The following EPHA4 variants were observed in gnomAD, a reference collection of about 807,000 sequenced individuals.
EPHA4 encodes the protein ephrin type-A receptor 4.
EPHA4 carries 19 observed loss-of-function variants against 108.3 expected under a neutral mutation model. The observed-to-expected ratio is 0.18, with a 90% CI of 0.12 to 0.26. EPHA4 has a LOEUF of 0.26. EPHA4 is among the 10% of genes least tolerant of loss of function. The pLI is 1.00. For missense variants in EPHA4, 917 were observed against 1,254.0 expected, an observed-to-expected ratio of 0.73 and a Z score of 4.06; for synonymous variants, 449 against 455.5, an observed-to-expected ratio of 0.99 and a Z score of 0.18.
intron 5 of EPHA4, among the ~76,000 whole-genome samples, chr2:221,460,144 C>T (rs1691094603): frequency 6.6e-6 from 1 of 152,138 alleles, no homozygotes; most frequent in Admixed American, 6.5e-5. Flanking sequence ...CACGTTAACT[C>T]ATAGAGTATT....
chr2:221,442,038 A>T (rs916287149), intron 11 of EPHA4, among the ~76,000 whole-genome samples: 1 of 152,200 alleles, frequency 6.6e-6, no homozygotes, highest in African/African-American at 2.4e-5. Flanking sequence ...GACACCTTGA[A>T]TCAAAGAAGA....
chr2:221,537,113 C>G (rs761172028), intron 3 of EPHA4, among the ~76,000 whole-genome samples: 1 of 152,170 alleles, frequency 6.6e-6, no homozygotes, highest in Non-Finnish European at 1.5e-5. Flanking sequence ...CTTTCAATAA[C>G]AACTGTGTGT....
At chr2:221,561,548 G>C (rs928769812) in intron 3 of EPHA4, among the ~76,000 whole-genome samples, 3 of 152,182 alleles carry the variant, frequency 2.0e-5, no homozygotes, top group African/African-American at 4.8e-5. Flanking sequence ...CTGGCCTCAT[G>C]TTAGGAACAG....
At chr2:221,486,108 C>T (rs532785928) in intron 4 of EPHA4, among the ~76,000 whole-genome samples, 10 of 152,122 alleles carry the variant, frequency 6.6e-5, no homozygotes, top group Non-Finnish European at 1.5e-4. Context: ...AGTAAGTCTC[C>T]AATTACAAAT....
intron 4 of EPHA4, among the ~76,000 whole-genome samples, chr2:221,483,259 G>A (rs952317823): frequency 5.3e-5 from 8 of 152,112 alleles, no homozygotes; most frequent in African/African-American, 1.9e-4. Context: ...CAGAGATGTT[G>A]AAGATACAGC....
chr2:221,468,837 T>C (rs1002829749), intron 5 of EPHA4, among the ~76,000 whole-genome samples: 2 of 152,228 alleles, frequency 1.3e-5, no homozygotes, highest in Non-Finnish European at 2.9e-5. Context: ...ATCATTCCGC[T>C]AAAAGAGCCT....
At chr2:221,545,060 T>C (rs1168515454) in intron 3 of EPHA4, among the ~76,000 whole-genome samples, 1 of 152,198 alleles carries the variant, frequency 6.6e-6, no homozygotes, top group East Asian at 1.9e-4. Flanking sequence ...TATGCCAGCC[T>C]GAACTGACTG....
intron 2 of EPHA4, among the ~76,000 whole-genome samples, chr2:221,565,053 A>C (rs189942918): frequency 2.0e-5 from 3 of 152,316 alleles, no homozygotes; most frequent in Admixed American, 2.0e-4. Context: ...ATAACAGTAG[A>C]CAACTTTTCA....
chr2:221,517,097 C>T (rs917932654), intron 3 of EPHA4, among the ~76,000 whole-genome samples: 2 of 152,156 alleles, frequency 1.3e-5, no homozygotes, highest in African/African-American at 4.8e-5. Context: ...CCACAGAGCA[C>T]ATATTCTACT....
At chr2:221,529,197 A>C (rs1693429140) in intron 3 of EPHA4, among the ~76,000 whole-genome samples, 1 of 152,172 alleles carries the variant, frequency 6.6e-6, no homozygotes, top group Non-Finnish European at 1.5e-5. Context: ...AAAAAAAAAG[A>C]TTTCAGAAAT....
rs185307010 is a variant in EPHA4 at position 221,527,230 on chromosome 2, G to C, written c.824-26058C>G. On this transcript the variant is annotated intron_variant, in intron 3 of 17. Coordinates refer to ENST00000281821, the MANE Select transcript of EPHA4 (RefSeq NM_004438.5). ...AATTCAACATGCTCCATGTTCTCTT[G>C]GTTTAGAGGATTCTTATTAATAACC... 4.6e-5 allele frequency among the ~76,000 whole-genome samples: 7 copies of C among 152,294 alleles called. No individual in the cohort carries two copies. The East Asian group carries it at 1.3e-3, about 29-fold the overall frequency.
intron 3 of EPHA4, among the ~76,000 whole-genome samples, chr2:221,557,319 C>T (rs776517791): frequency 1.3e-5 from 2 of 152,148 alleles, no homozygotes; most frequent in Non-Finnish European, 2.9e-5. Flanking sequence ...TACTCTGGAA[C>T]CTAAATGAAA....
chr2:221,522,107 A>G (rs1323326573), intron 3 of EPHA4, among the ~76,000 whole-genome samples: 1 of 152,248 alleles, frequency 6.6e-6, no homozygotes, highest in Admixed American at 6.5e-5. Context: ...TCAAATATGC[A>G]TTCTCATTTA....
At chr2:221,423,991 C>A (rs1689825013) in intron 17 of EPHA4, among the ~76,000 whole-genome samples, 1 of 151,960 alleles carries the variant, frequency 6.6e-6, no homozygotes, top group Non-Finnish European at 1.5e-5. Flanking sequence ...GTGGTGGGTG[C>A]CTGTAATCCC....
chr2:221,460,824 G>A (rs1049073486), intron 5 of EPHA4, among the ~76,000 whole-genome samples: 4 of 152,048 alleles, frequency 2.6e-5, no homozygotes, highest in African/African-American at 7.2e-5. Flanking sequence ...TCCCCCTACC[G>A]CAGTGTTTCC....
Position 221,425,890 on chromosome 2 carries a change from C to T in EPHA4, c.*138G>A, listed in dbSNP as rs552374804. ...TTTCAGCAATCTGTGCACCAAGCAA[C>T]GCTGCAGATATTGTTTTTTTTTTTC... On this transcript the variant is annotated 3_prime_UTR_variant, in exon 17 of 18. Transcript: ENST00000281821. The T allele has an allele frequency of 1.6e-4, 119 of 747,000 alleles. No homozygotes were observed. Among genetic ancestry groups the T allele is most frequent in the Non-Finnish European group, 2.5e-4 (109 of 442,048 alleles). 46.3% of individuals were successfully genotyped at this position (747,000 alleles called of 1,614,324 possible).
chr2:221,520,651 GT>G (rs1693138418), intron 3 of EPHA4, among the ~76,000 whole-genome samples: 1 of 151,942 alleles, frequency 6.6e-6, no homozygotes, highest in African/African-American at 2.4e-5. Flanking sequence ...GGAAGCAGAA[GT>G]TTTAAACTGA....
chr2:221,440,450 A>C (rs1429730625), intron 11 of EPHA4, among the ~76,000 whole-genome samples: 1 of 152,188 alleles, frequency 6.6e-6, no homozygotes, highest in Admixed American at 6.5e-5. Context: ...TTATCTTTTA[A>C]TTAAAGTAGT....
chr2:221,509,871 G>A (rs1293388037), intron 3 of EPHA4, among the ~76,000 whole-genome samples: 1 of 152,174 alleles, frequency 6.6e-6, no homozygotes, highest in Non-Finnish European at 1.5e-5. Context: ...AGACATAACG[G>A]GAAAGGCCTG....
Sources: allele counts gnomAD v4.1 joint callset (sites outside exome capture counted in the v4.1 genomes callset), GRCh38; gene constraint gnomAD v4.1.1; transcripts MANE v1.5; gene names NCBI Gene and HGNC (gene_info 2026-07-23, HGNC 2026-07-21).